The following CUX1 variants were observed in gnomAD, a reference collection of about 807,000 sequenced individuals.
The protein encoded by CUX1 is cut like homeobox 1.
A neutral mutation model predicts 158.8 loss-of-function variants in CUX1; 31 were observed. That is an observed-to-expected ratio of 0.20 (90% CI 0.15 to 0.26). CUX1 has a LOEUF of 0.26. CUX1 is among the 10% of genes least tolerant of loss of function. The probability of loss-of-function intolerance (pLI) is 1.00; values close to 1 mark genes in which losing one functional copy is unlikely to be tolerated. For synonymous variants in CUX1, 879 were observed against 862.1 expected, an observed-to-expected ratio of 1.02 and a Z score of -0.34; for missense variants, 1,589 against 2,014.6, an observed-to-expected ratio of 0.79 and a Z score of 4.04.
intron 1 of CUX1, among the ~76,000 whole-genome samples, chr7:101,819,369 C>T (rs892793283): frequency 1.9e-4 from 29 of 152,324 alleles, no homozygotes; most frequent in African/African-American, 5.1e-4. Context: ...GGACGGGGCC[C>T]GCCAATGACT....
At chr7:102,054,840 G>A (rs1053992439) in intron 3 of CUX1, among the ~76,000 whole-genome samples, 15 of 152,022 alleles carry the variant, frequency 9.9e-5, no homozygotes, top group African/African-American at 1.4e-4. Flanking sequence ...GCATGGTGGC[G>A]CGTTCCTGTA....
At chr7:102,239,728 T>A in intron 23 of CUX1, 144 bp downstream of exon 23, 1 of 870,544 alleles carries the variant, frequency 1.1e-6, no homozygotes, top group Non-Finnish European at 1.7e-6. Flanking sequence ...CCTTGGTCCC[T>A]TAGGGTTTTT....
Position 102,202,337 on chromosome 7 carries a change from C to T in CUX1, c.2907+133C>T, listed in dbSNP as rs797040576. On this transcript the variant is annotated intron_variant, in intron 18 of 23. Coordinates refer to ENST00000292535, the MANE Select transcript of CUX1 (RefSeq NM_181552.4). ...AGCAGAGCGTAAGGCATCCTCTGCTCCCAGACTTCCAAGGTGCGGCTGGTG... is the reference window on the plus strand; with the variant it reads ...AGCAGAGCGTAAGGCATCCTCTGCTTCCAGACTTCCAAGGTGCGGCTGGTG... 28 of 1,254,022 alleles carry T rather than the reference C, an allele frequency of 2.2e-5. No individual in the cohort carries two copies. The African/African-American group carries it at 3.3e-4, about 15-fold the overall frequency. The allele number at this position is 1,254,022 out of a possible 1,614,324, so 77.7% of individuals were successfully genotyped here. A position where few individuals can be genotyped will look rare whatever the true frequency, so the allele number is the denominator to read the frequency against.
intron 3 of CUX1, among the ~76,000 whole-genome samples, chr7:102,052,040 C>T (rs934860402): frequency 6.6e-6 from 1 of 151,990 alleles, no homozygotes. Flanking sequence ...GGCGAAACCC[C>T]GTCTCTACTA....
At chr7:102,082,523 A>C (rs1442068737) in intron 4 of CUX1, among the ~76,000 whole-genome samples, 2 of 147,198 alleles carry the variant, frequency 1.4e-5, no homozygotes, top group East Asian at 1.9e-4. Context: ...TCTAAAAATA[A>C]ATACATACAT....
At chr7:102,234,938 A>G (rs1484979308) in intron 22 of CUX1, among the ~76,000 whole-genome samples, 6 of 151,872 alleles carry the variant, frequency 4.0e-5, no homozygotes, top group Non-Finnish European at 5.9e-5. Context: ...AAAAAAATGC[A>G]TTTTGTAGAT....
At chr7:101,968,051 C>T (rs571336357) in intron 2 of CUX1, among the ~76,000 whole-genome samples, 2 of 152,212 alleles carry the variant, frequency 1.3e-5, no homozygotes, top group East Asian at 3.9e-4. Context: ...ACTATAGGTA[C>T]ACACCACCAC....
chr7:102,231,329 CT>C (rs11335871), intron 21 of CUX1, among the ~76,000 whole-genome samples: 91,464 of 147,978 alleles, frequency 0.62, 28,300 homozygotes, highest in East Asian at 0.93. Flanking sequence ...TGCGCCCAGC[CT>C]TTTTTTTTTT....
chr7:101,832,463 G>A (rs536806806), intron 1 of CUX1, among the ~76,000 whole-genome samples: 5 of 152,288 alleles, frequency 3.3e-5, no homozygotes, highest in African/African-American at 9.6e-5. Flanking sequence ...GCACCTTCAG[G>A]GGCGGGCTTC....
At chr7:102,209,116 G>A (rs536455324) in intron 20 of CUX1, among the ~76,000 whole-genome samples, 17 of 152,302 alleles carry the variant, frequency 1.1e-4, no homozygotes, top group African/African-American at 4.1e-4. Flanking sequence ...ACAGCAAGCT[G>A]CTGGCCCAGG....
At chr7:101,877,601 C>T (rs1160574911) in intron 1 of CUX1, among the ~76,000 whole-genome samples, 2 of 152,136 alleles carry the variant, frequency 1.3e-5, no homozygotes, top group African/African-American at 4.8e-5. Context: ...GCAGGAGAAT[C>T]GCTTGAGCCC....
At chr7:101,890,562 C>T (rs1024130278) in intron 1 of CUX1, among the ~76,000 whole-genome samples, 7 of 152,072 alleles carry the variant, frequency 4.6e-5, no homozygotes, top group Non-Finnish European at 8.8e-5. Flanking sequence ...GAGTGATACA[C>T]GCGCCTTACA....
chr7:101,818,893 T>A (rs142910080), intron 1 of CUX1: 16 of 152,348 alleles, frequency 1.1e-4, no homozygotes, highest in African/African-American at 3.8e-4. Context: ...GACCTCTTTA[T>A]ACTGAGATTG....
intron 23 of CUX1, 56 bp downstream of exon 23, chr7:102,239,640 G>T: frequency 6.4e-7 from 1 of 1,556,238 alleles, no homozygotes; most frequent in African/African-American, 1.4e-5. Context: ...GGGCTGATCT[G>T]TCCGGAGGCC....
At chr7:102,008,354 G>GC (rs532554228) in intron 2 of CUX1, among the ~76,000 whole-genome samples, 94 of 151,360 alleles carry the variant, frequency 6.2e-4, no homozygotes, top group African/African-American at 1.4e-3. Flanking sequence ...TTTCTAGAAA[G>GC]CCCCCCCACC....
chr7:101,877,096 A>C (rs1210322240), intron 1 of CUX1, among the ~76,000 whole-genome samples: 1 of 152,256 alleles, frequency 6.6e-6, no homozygotes, highest in East Asian at 1.9e-4. Context: ...GACTTTGGGT[A>C]CATTTCATTA....
chr7:102,253,086 A>G lies in CUX1; in HGVS notation c.*4044A>G, dbSNP rs2132668647. 2.0e-6 allele frequency: 2 copies of G among 985,438 alleles called. No homozygotes were observed. Among genetic ancestry groups the G allele is most frequent in the African/African-American group, 1.7e-5 (1 of 57,346 alleles). The allele number at this position is 985,438 out of a possible 1,614,324, so 61.0% of individuals were successfully genotyped here. ...CCTGGGGTAGATCCCTTGTACCTCC[A>G]AAGTACAAATACCTCCCTGCTCAGT... On this transcript the variant is annotated 3_prime_UTR_variant, in exon 24 of 24. Coordinates refer to ENST00000292535, the MANE Select transcript of CUX1 (RefSeq NM_181552.4).
At chr7:102,014,178 G>C (rs768175966) in intron 2 of CUX1, among the ~76,000 whole-genome samples, 14 of 152,148 alleles carry the variant, frequency 9.2e-5, no homozygotes, top group Non-Finnish European at 1.6e-4. Flanking sequence ...GCTCACAAGA[G>C]ACCGACCTCT....
Position 102,252,944 on chromosome 7 carries a change from A to G in CUX1, c.*3902A>G. ...ACAGGATTGGGGTGACAGCCCAGGGATGCATGCATGGGAGAACTCTCTGAG... is the reference window on the plus strand; with the variant it reads ...ACAGGATTGGGGTGACAGCCCAGGGGTGCATGCATGGGAGAACTCTCTGAG... On this transcript the variant is annotated 3_prime_UTR_variant, in exon 24 of 24. Coordinates refer to ENST00000292535, the MANE Select transcript of CUX1 (RefSeq NM_181552.4). The G allele has an allele frequency of 1.0e-6, 1 of 985,408 alleles. No individual in the cohort carries two copies. The highest frequency in any genetic ancestry group is 1.2e-6 in the Non-Finnish European group (1 of 829,932). 61.0% of individuals were successfully genotyped at this position (985,408 alleles called of 1,614,324 possible). A position where few individuals can be genotyped will look rare whatever the true frequency, so the allele number is the denominator to read the frequency against.
Sources: allele counts gnomAD v4.1 joint callset (sites outside exome capture counted in the v4.1 genomes callset), GRCh38; gene constraint gnomAD v4.1.1; transcripts MANE v1.5; gene names NCBI Gene and HGNC (gene_info 2026-07-23, HGNC 2026-07-21).